RBFOX2: variants seen among roughly 807,000 people sequenced by gnomAD.
RBFOX2 encodes the protein RNA binding fox-1 homolog 2.
Under a neutral mutation model 49.1 loss-of-function variants are expected in RBFOX2, and 10 were observed. The ratio of observed to expected loss-of-function variants is 0.20; its 90% CI spans 0.13 to 0.35. RBFOX2 has a LOEUF of 0.35. Ranked by LOEUF, RBFOX2 falls within the 10% of genes least tolerant of loss-of-function variation. RBFOX2 has a pLI of 1.00. For synonymous variants in RBFOX2, 183 were observed against 187.4 expected (o/e 0.98, Z 0.19); for missense variants, 323 against 486.9 (o/e 0.66, Z 3.17).
chr22:35,927,769 T>C (rs939171735), intron 1 of RBFOX2, among the ~76,000 whole-genome samples: 1 of 152,268 alleles, frequency 6.6e-6, no homozygotes, highest in African/African-American at 2.4e-5. Flanking sequence ...CTCCCTCTTA[T>C]ACGCATGCTG....
At chr22:35,821,426 AC>A (rs1036940036) in intron 1 of RBFOX2, among the ~76,000 whole-genome samples, 11 of 151,700 alleles carry the variant, frequency 7.3e-5, no homozygotes, top group African/African-American at 2.7e-4. Flanking sequence ...ACATGGCGAA[AC>A]CCCGTCTCTA....
intron 1 of RBFOX2, among the ~76,000 whole-genome samples, chr22:36,014,182 C>T (rs964335678): frequency 1.3e-5 from 2 of 151,096 alleles, no homozygotes; most frequent in East Asian, 2.0e-4. Context: ...AGTGCAGTGG[C>T]GCAATCGCGG....
intron 1 of RBFOX2, among the ~76,000 whole-genome samples, chr22:35,850,595 C>G (rs2041828726): frequency 6.6e-6 from 1 of 152,162 alleles, no homozygotes; most frequent in Non-Finnish European, 1.5e-5. Flanking sequence ...TTCAGAAAAG[C>G]CAGTTGCTTT....
At chr22:35,895,842 G>A (rs2047776003) in intron 1 of RBFOX2, among the ~76,000 whole-genome samples, 2 of 152,100 alleles carry the variant, frequency 1.3e-5, no homozygotes, top group South Asian at 2.1e-4. Context: ...ATATAACTAC[G>A]TAAACTGTCT....
chr22:35,950,394 C>T (rs1049679909), intron 1 of RBFOX2, among the ~76,000 whole-genome samples: 3 of 152,128 alleles, frequency 2.0e-5, no homozygotes, highest in Non-Finnish European at 4.4e-5. Context: ...GAAAGCATTT[C>T]GCTTCCAGGT....
At chr22:35,954,533 T>C (rs923777692) in intron 1 of RBFOX2, among the ~76,000 whole-genome samples, 9 of 152,208 alleles carry the variant, frequency 5.9e-5, no homozygotes, top group Non-Finnish European at 1.2e-4. Flanking sequence ...CATCCACCCC[T>C]GCCCAGCTTT....
In RBFOX2 at chr22:35,839,184, T is replaced by C. The variant is rs139663080; in HGVS notation, c.27+1008A>G. Among the ~76,000 whole-genome samples, 572 of 152,312 alleles carry C rather than the reference T, an allele frequency of 3.8e-3. 4 individuals are homozygous for C. Among genetic ancestry groups the C allele is most frequent in the African/African-American group, 0.013 (531 of 41,560 alleles). On this transcript the variant is annotated intron_variant, in intron 1 of 11. Coordinates refer to ENST00000405409, the Ensembl canonical transcript of RBFOX2. ...GTCCTACAGTGTAAATGATTTCTCA[T>C]TGATAAATCAGAGCCTCATCATTTC...
intron 3 of RBFOX2, among the ~76,000 whole-genome samples, chr22:35,780,991 T>C (rs373568211): frequency 6.6e-6 from 1 of 152,132 alleles, no homozygotes; most frequent in South Asian, 2.1e-4. Context: ...GAAGGCAGTA[T>C]TGAGCTGGAC....
chr22:36,015,521 G>A (rs1243105060), intron 1 of RBFOX2, among the ~76,000 whole-genome samples: 2 of 152,192 alleles, frequency 1.3e-5, no homozygotes, highest in Admixed American at 1.3e-4. Flanking sequence ...AAACCAATGA[G>A]TTAAGCTTTG....
At chr22:35,988,565 G>A (rs2057824029) in intron 1 of RBFOX2, among the ~76,000 whole-genome samples, 2 of 152,144 alleles carry the variant, frequency 1.3e-5, no homozygotes, top group Non-Finnish European at 2.9e-5. Context: ...GATCTCAAAG[G>A]TAAGGGTTAG....
intron 1 of RBFOX2, among the ~76,000 whole-genome samples, chr22:35,900,744 C>T (rs1440339545): frequency 6.6e-6 from 1 of 152,148 alleles, no homozygotes; most frequent in Non-Finnish European, 1.5e-5. Flanking sequence ...TGAGCATCAA[C>T]TGGAAACTCC....
At chr22:35,869,469 C>CAAAAAAAAAAAAAAAAA (rs35854576) in intron 1 of RBFOX2, among the ~76,000 whole-genome samples, 1 of 30,568 alleles carries the variant, frequency 3.3e-5, no homozygotes, top group Non-Finnish European at 6.5e-5. Flanking sequence ...AACGGCTGAC[C>CAAAAAAAAAAAAAAAAA]AAAAAAAAAA....
At position 35,895,154 on chromosome 22, in the gene RBFOX2, C is replaced by G. The variant is rs111703727; in HGVS notation, c.-34+43693G>C. ...TATCTGAACTAGAGTGTACAGCACA[C>G]TCTCTCTGTATTTGCCTTCAGGGAA... On this transcript the variant is annotated intron_variant, in intron 1 of 13. Transcript: ENST00000359369. Among the ~76,000 whole-genome samples, 1,456 of 152,054 alleles carry G rather than the reference C, an allele frequency of 9.6e-3. 11 individuals are homozygous for G. The highest frequency in any genetic ancestry group is 0.027 in the Middle Eastern group (8 of 294).
Position 35,847,516 on chromosome 22 carries a change from C to T in RBFOX2, c.-33-37512G>A, listed in dbSNP as rs948828253. On this transcript the variant is annotated intron_variant, in intron 1 of 13. Transcript: ENST00000359369. ...AAGAATATATAAAAGAAGCTAAAAA[C>T]ATTTTATAACTGTAGTTAAGAGTTT... is the stretch of plus-strand genomic sequence containing the variant. 2.6e-5 allele frequency among the ~76,000 whole-genome samples: 4 copies of T among 152,176 alleles called. 1 individual carries two copies. The highest frequency in any genetic ancestry group is 6.8e-3 in the Middle Eastern group (2 of 294).
chr22:35,951,098 C>T (rs187889721), intron 1 of RBFOX2, among the ~76,000 whole-genome samples: 1,670 of 151,482 alleles, frequency 0.011, 16 homozygotes, highest in Non-Finnish European at 0.015. Flanking sequence ...GGATTACAGG[C>T]GCGTGCCACC....
chr22:35,883,269 T>C (rs2046158442), intron 1 of RBFOX2, among the ~76,000 whole-genome samples: 1 of 152,218 alleles, frequency 6.6e-6, no homozygotes, highest in African/African-American at 2.4e-5. Flanking sequence ...TGTTCAGTCC[T>C]AGCTACAGTG....
chr22:35,910,949 A>G (rs1476665292), intron 1 of RBFOX2, among the ~76,000 whole-genome samples: 1 of 152,174 alleles, frequency 6.6e-6, no homozygotes, highest in Admixed American at 6.6e-5. Flanking sequence ...GTTCAGTGGG[A>G]CTTATTTTAA....
chr22:35,802,065 AC>A (rs1276859519), intron 2 of RBFOX2, among the ~76,000 whole-genome samples: 1 of 152,170 alleles, frequency 6.6e-6, no homozygotes, highest in African/African-American at 2.4e-5. Context: ...TGGTTGACAT[AC>A]AAAATTTCAT....
chr22:35,828,968 T>G (rs1326668911), intron 1 of RBFOX2, among the ~76,000 whole-genome samples: 2 of 152,050 alleles, frequency 1.3e-5, no homozygotes, highest in Non-Finnish European at 2.9e-5. Flanking sequence ...GGAGAATCGC[T>G]TGAACCCGGG....
Sources: allele counts gnomAD v4.1 joint callset (sites outside exome capture counted in the v4.1 genomes callset), GRCh38; gene constraint gnomAD v4.1.1; transcripts MANE v1.5; gene names NCBI Gene and HGNC (gene_info 2026-07-23, HGNC 2026-07-21).